Variants in SLC41A2 observed in about 807,000 individuals in gnomAD.
The protein encoded by SLC41A2 is SLC41A1-like 1.
Under a neutral mutation model 58.3 loss-of-function variants are expected in SLC41A2, and 32 were observed. That is an observed-to-expected ratio of 0.55 (90% CI 0.41 to 0.74). SLC41A2 has a LOEUF of 0.74. Ranked by LOEUF, SLC41A2 falls within the 30% of genes least tolerant of loss-of-function variation. SLC41A2 has a pLI of 0.00. For missense variants in SLC41A2, 514 were observed against 680.6 expected (o/e 0.76, Z 2.72); for synonymous variants, 190 against 235.0 (o/e 0.81, Z 1.75).
rs71440558 is a variant in SLC41A2, at chr12:104,897,144, C to CTTTTTTT, written c.664-1806_664-1800dup. On this transcript the variant is annotated intron_variant, in intron 3 of 10. Transcript: ENST00000258538. Reference sequence around the variant, plus strand: ...ACCCAGAGTGACACTTTTCTTTTTTCTTTTTTTTTTTTTTTTTTTGAGACA... The same window carrying CTTTTTTT: ...ACCCAGAGTGACACTTTTCTTTTTTCTTTTTTTTTTTTTTTTTTTTTTTTTTGAGACA... Among the ~76,000 whole-genome samples, 152 of 120,222 alleles carry CTTTTTTT rather than the reference C, an allele frequency of 1.3e-3. 1 individual carries two copies. The highest frequency in any genetic ancestry group is 1.6e-3 in the Non-Finnish European group (94 of 59,856). 78.9% of individuals were successfully genotyped at this position (120,222 alleles called of 152,430 possible).
intron 10 of SLC41A2, among the ~76,000 whole-genome samples, chr12:104,839,750 G>T (rs769031466): frequency 6.6e-6 from 1 of 152,096 alleles, no homozygotes. Flanking sequence ...TGATCCACCC[G>T]CCTCAGCCTC....
intron 3 of SLC41A2, among the ~76,000 whole-genome samples, chr12:104,896,029 G>C (rs1452321567): frequency 6.6e-6 from 1 of 152,140 alleles, no homozygotes; most frequent in Non-Finnish European, 1.5e-5. Context: ...TTCTAAAGTA[G>C]TTGTTTGGAA....
At chr12:104,833,443 A>G (rs754802285) in intron 10 of SLC41A2, among the ~76,000 whole-genome samples, 1 of 152,214 alleles carries the variant, frequency 6.6e-6, no homozygotes, top group Non-Finnish European at 1.5e-5. Context: ...AAAACCCTAC[A>G]GAAGATCAAT....
At chr12:104,923,974 A>C (rs73191790) in intron 2 of SLC41A2, among the ~76,000 whole-genome samples, 1 of 152,350 alleles carries the variant, frequency 6.6e-6, no homozygotes, top group Non-Finnish European at 1.5e-5. Context: ...AAGCAGGAGG[A>C]AAAGAACTAT....
intron 1 of SLC41A2, among the ~76,000 whole-genome samples, chr12:104,935,364 C>T (rs2047221549): frequency 6.8e-6 from 1 of 146,872 alleles, no homozygotes; most frequent in Non-Finnish European, 1.5e-5. Flanking sequence ...AATATTCTCA[C>T]CACAAAAAAA....
At chr12:104,936,096 A>C (rs1226928739) in intron 1 of SLC41A2, among the ~76,000 whole-genome samples, 1 of 152,114 alleles carries the variant, frequency 6.6e-6, no homozygotes, top group Non-Finnish European at 1.5e-5. Flanking sequence ...AAAATGTCAT[A>C]GCATGAGGCA....
intron 3 of SLC41A2, among the ~76,000 whole-genome samples, chr12:104,904,704 G>C (rs1370252136): frequency 6.6e-6 from 1 of 151,796 alleles, no homozygotes; most frequent in African/African-American, 2.4e-5. Flanking sequence ...GCTCAGGAGT[G>C]AAGCTGCAGA....
intron 3 of SLC41A2, among the ~76,000 whole-genome samples, chr12:104,897,235 T>G (rs1452722281): frequency 1.4e-5 from 2 of 139,142 alleles, no homozygotes; most frequent in East Asian, 4.7e-4. Flanking sequence ...AACCTCCACC[T>G]CCCAGGTTCA....
chr12:104,939,318 C>T (rs571629560), intron 1 of SLC41A2, among the ~76,000 whole-genome samples: 1 of 152,232 alleles, frequency 6.6e-6, no homozygotes, highest in East Asian at 1.9e-4. Flanking sequence ...GCACCTTAGC[C>T]TCCCGAGTAG....
intron 1 of SLC41A2, among the ~76,000 whole-genome samples, chr12:104,932,352 G>A (rs1443051064): frequency 6.6e-6 from 1 of 152,112 alleles, no homozygotes; most frequent in African/African-American, 2.4e-5. Flanking sequence ...TAGGCAGGGT[G>A]CAGTGGCTCA....
chr12:104,843,932 T>C (rs1417499672), intron 10 of SLC41A2, among the ~76,000 whole-genome samples: 1 of 152,150 alleles, frequency 6.6e-6, no homozygotes, highest in Non-Finnish European at 1.5e-5. Flanking sequence ...GTAGTTTCTT[T>C]TGAGTGTAAT....
At chr12:104,846,730 C>T (rs975003333) in intron 8 of SLC41A2, among the ~76,000 whole-genome samples, 56 of 152,172 alleles carry the variant, frequency 3.7e-4, no homozygotes, top group Admixed American at 1.3e-4. Context: ...ATACAGCCCT[C>T]CACGCTTCAC....
chr12:104,914,023 T>C (rs1415575334), intron 2 of SLC41A2, among the ~76,000 whole-genome samples: 6 of 152,028 alleles, frequency 3.9e-5, no homozygotes, highest in Non-Finnish European at 2.9e-5. Context: ...GACGGCGCCA[T>C]TGCATTCCAG....
At chr12:104,955,474 T>G (rs4409923) in intron 1 of SLC41A2, among the ~76,000 whole-genome samples, 61,804 of 151,808 alleles carry the variant, frequency 0.41, 13,114 homozygotes, top group South Asian at 0.58. Flanking sequence ...CTACCCCCGG[T>G]GTTTCCTCTC....
At chr12:104,916,192 T>C (rs1041873282) in intron 2 of SLC41A2, among the ~76,000 whole-genome samples, 46 of 152,224 alleles carry the variant, frequency 3.0e-4, no homozygotes, top group Non-Finnish European at 1.5e-4. Flanking sequence ...TTGAGGATTT[T>C]TGCATCAATG....
chr12:104,919,695 C>G (rs2046501624), intron 2 of SLC41A2, among the ~76,000 whole-genome samples: 1 of 151,928 alleles, frequency 6.6e-6, no homozygotes, highest in South Asian at 2.1e-4. Context: ...TTTTTTTTAA[C>G]TGTTGAGATT....
At chr12:104,894,163 G>A (rs528558614) in intron 4 of SLC41A2, among the ~76,000 whole-genome samples, 20 of 152,086 alleles carry the variant, frequency 1.3e-4, no homozygotes, top group African/African-American at 4.6e-4. Flanking sequence ...AGACCAGCCT[G>A]GACTACATGG....
Position 104,928,171 on chromosome 12 carries a change from A to G in SLC41A2, c.357T>C (p.Asp119=), listed in dbSNP as rs746391337. 6 of 1,614,186 alleles carry G rather than the reference A, an allele frequency of 3.7e-6. No homozygotes were observed. The highest frequency in any genetic ancestry group is 5.1e-6 in the Non-Finnish European group (6 of 1,180,028). ...YDDYANYNYC[D]GRETSETTAM... is the part of the protein sequence containing the mutation. ...CAGTGGTTTCTGAAGTCTCCCTTCC[A>G]TCACAGTAATTATAATTGGCATAGT... The change falls in exon 2 of 11, where the codon GAT becomes GAC. Residue 119 remains aspartate, a synonymous_variant. Coordinates refer to ENST00000258538, the MANE Select transcript of SLC41A2 (RefSeq NM_001352171.3).
At chr12:104,957,990 G>C (rs2136008548) in intron 1 of SLC41A2, 98 bp downstream of exon 1, 1 of 151,952 alleles carries the variant, frequency 6.6e-6, no homozygotes, top group East Asian at 1.9e-4. Context: ...CCGCCGCCGG[G>C]TCCCGAGCCC....
Sources: gnomAD v4.1 joint callset for allele counts (sites outside exome capture counted in the v4.1 genomes callset) on GRCh38, gnomAD v4.1.1 for gene constraint, MANE v1.5 for transcripts, NCBI Gene and HGNC (gene_info 2026-07-23, HGNC 2026-07-21) for gene names.